TNMD: variants seen among roughly 807,000 people sequenced by gnomAD.
TNMD encodes tenomodulin, also known as BRICHOS domain containing 4.
In TNMD, 15 loss-of-function variants were observed where a neutral mutation model predicts 26.9. The observed-to-expected ratio is 0.56, with a 90% CI of 0.37 to 0.86. The LOEUF (loss-of-function observed/expected upper bound fraction) is 0.86. Among genes scored for constraint, TNMD ranks in the 40% least tolerant of loss-of-function variants. TNMD has a pLI of 0.00. For synonymous variants in TNMD, 73 were observed against 77.0 expected (o/e 0.95, Z 0.27); for missense variants, 222 against 242.6 (o/e 0.92, Z 0.56).
rs750488369 is a variant in TNMD, at chrX:100,588,264, G to A, written c.180+2902G>A. 3.8e-3 allele frequency among the ~76,000 whole-genome samples: 425 copies of A among 110,726 alleles called. 3 individuals carry two copies. The highest frequency in any genetic ancestry group is 0.012 in the African/African-American group (374 of 30,316). ...CTCCCCTCACATACCTCAGGTCTGCGTGCACACAGGTGTGCACACGCACAG... is the reference window on the plus strand; with the variant it reads ...CTCCCCTCACATACCTCAGGTCTGCATGCACACAGGTGTGCACACGCACAG... On this transcript the variant is annotated intron_variant, in intron 2 of 6. Transcript: ENST00000373031.
At chrX:100,590,786 G>A (rs907689595) in intron 2 of TNMD, among the ~76,000 whole-genome samples, 5 of 111,738 alleles carry the variant, frequency 4.5e-5, no homozygotes, top group Non-Finnish European at 9.4e-5. Context: ...CTGGAAAGAT[G>A]CCCTTGCCCC....
chrX:100,596,680 C>A (rs747464721), intron 4 of TNMD, among the ~76,000 whole-genome samples: 41 of 111,804 alleles, frequency 3.7e-4, no homozygotes, highest in Admixed American at 1.4e-3. Context: ...TATACAATTC[C>A]TTTCAATGCA....
chrX:100,585,426 G>A (rs995418701), intron 2 of TNMD, 64 bp downstream of exon 2: 2 of 1,008,667 alleles, frequency 2.0e-6, no homozygotes, highest in South Asian at 6.1e-5. Flanking sequence ...TAATTAGTAG[G>A]CATATAAATT....
rs201605708 is a variant in TNMD at position 100,595,267 on chromosome X, T to TTTCTTC, written c.423+923_423+928dup. Among the ~76,000 whole-genome samples, 5 of 109,742 alleles carry TTTCTTC rather than the reference T, an allele frequency of 4.6e-5. No individual in the cohort carries two copies. In the East Asian group the frequency reaches 8.7e-4, roughly 19 times the overall value. On this transcript the variant is annotated intron_variant, in intron 4 of 6. Transcript: ENST00000373031. Reference sequence around the variant, plus strand: ...GAATTATGGCAATGGCAGAATGATCTTTCTTCTTCTTCTTCTTCTTCTTTG... The same window carrying TTTCTTC: ...GAATTATGGCAATGGCAGAATGATCTTTCTTCTTCTTCTTCTTCTTCTTCTTCTTTG...
At chrX:100,598,242 C>T (rs781744596) in intron 5 of TNMD, among the ~76,000 whole-genome samples, 69 of 111,499 alleles carry the variant, frequency 6.2e-4, no homozygotes, top group African/African-American at 2.2e-3. Context: ...GTTTAGCTAA[C>T]ATGGAATTTG....
chrX:100,593,805 G>A (rs2082944843), intron 2 of TNMD, 90 bp from the exon 3 acceptor site: 1 of 981,724 alleles, frequency 1.0e-6, no homozygotes, highest in Non-Finnish European at 1.4e-6. Flanking sequence ...CAGCTCTGAA[G>A]GGATCCCCAT....
Position 100,597,577 on chromosome X carries a change from G to A in TNMD, c.497G>A (p.Arg166Gln), listed in dbSNP as rs766097519. ...CCAGCAGAAAAGCCTATTGAAAACC[G>A]AGATTTTCTTAAAAATTCCAAAATT... Reference protein sequence around the residue: ...WVPAEKPIENRDFLKNSKILE... With the variant: ...WVPAEKPIENQDFLKNSKILE... Residue 166 changes from arginine (R) to glutamine (Q), a missense_variant, in exon 5 of 7, where the codon CGA becomes CAA. Transcript: ENST00000373031. The A allele has an allele frequency of 1.2e-5, 14 of 1,209,355 alleles. No homozygotes were observed. The highest frequency in any genetic ancestry group is 1.7e-5 in the African/African-American group (1 of 57,183).
chrX:100,598,490 A>T (rs1485827992), intron 5 of TNMD, among the ~76,000 whole-genome samples: 1 of 112,141 alleles, frequency 8.9e-6, no homozygotes, highest in Non-Finnish European at 1.9e-5. Flanking sequence ...ATTTTTGATC[A>T]TTGTACCATG....
At chrX:100,587,255 A>G (rs918684559) in intron 2 of TNMD, among the ~76,000 whole-genome samples, 8 of 112,377 alleles carry the variant, frequency 7.1e-5, no homozygotes, top group Non-Finnish European at 1.3e-4. Context: ...TCCCTATTAT[A>G]TCATCTTTAC....
intron 2 of TNMD, among the ~76,000 whole-genome samples, chrX:100,585,680 ATCTT>A (rs1463168158): frequency 8.9e-6 from 1 of 112,265 alleles, no homozygotes; most frequent in Non-Finnish European, 1.9e-5. Context: ...AATACTTTTA[ATCTT>A]TCTTTCAATT....
chrX:100,599,779 A>G lies in TNMD; in HGVS notation c.*62A>G, dbSNP rs746690118. 1.2e-4 allele frequency: 131 copies of G among 1,072,579 alleles called. No homozygotes were observed. The African/African-American group carries it at 2.0e-3, about 17-fold the overall frequency. The allele number at this position is 1,072,579 out of a possible 1,213,427, so 88.4% of individuals were successfully genotyped here. A position where few individuals can be genotyped will look rare whatever the true frequency, so the allele number is the denominator to read the frequency against. ...ACATATAATAAATGCATGCTATTCA[A>G]TGAATTTCTGCCTATGAGGCATCTG... On this transcript the variant is annotated 3_prime_UTR_variant, in exon 7 of 7. Coordinates refer to ENST00000373031, the MANE Select transcript of TNMD (RefSeq NM_022144.3).
chrX:100,587,213 A>G (rs1160478266), intron 2 of TNMD, among the ~76,000 whole-genome samples: 1 of 112,275 alleles, frequency 8.9e-6, no homozygotes, highest in African/African-American at 3.2e-5. Flanking sequence ...CAAAGTGTCA[A>G]ACTCACTTGC....
chrX:100,599,134 C>G lies in TNMD; in HGVS notation c.696C>G (p.Thr232=), dbSNP rs746520955. ...TCCCTCAAGTGAAAGTAGAGAAGACCCGTCACGCCAGACAAGCAAGTGAGG... is the reference window on the plus strand; with the variant it reads ...TCCCTCAAGTGAAAGTAGAGAAGACGCGTCACGCCAGACAAGCAAGTGAGG... ...WVVPQVKVEK[T]RHARQASEEE... The change falls in exon 6 of 7, where the codon ACC becomes ACG. Residue 232 remains threonine, a synonymous_variant. Transcript: ENST00000373031. The G allele has an allele frequency of 8.3e-7, 1 of 1,201,800 alleles. No individual in the cohort carries two copies. Among genetic ancestry groups the G allele is most frequent in the Non-Finnish European group, 1.1e-6 (1 of 890,754 alleles).
intron 6 of TNMD, 130 bp downstream of exon 6, chrX:100,599,312 G>A: frequency 7.2e-6 from 5 of 690,336 alleles, no homozygotes; most frequent in Non-Finnish European, 8.4e-6. Flanking sequence ...AAATGTTTAA[G>A]AAACTTGGAA....
intron 5 of TNMD, among the ~76,000 whole-genome samples, chrX:100,598,528 C>T (rs2082959265): frequency 3.6e-5 from 4 of 111,382 alleles, no homozygotes; most frequent in South Asian, 3.8e-4. Context: ...TAGGGGAAAC[C>T]GGGTGAAGAA....
chrX:100,598,605 T>TA (rs200647741), intron 5 of TNMD, among the ~76,000 whole-genome samples: 1,277 of 111,739 alleles, frequency 0.011, 22 homozygotes, highest in African/African-American at 0.04. Flanking sequence ...ACAGAAAGTT[T>TA]AAAAAAAATT....
At chrX:100,585,673 A>G (rs2082920195) in intron 2 of TNMD, among the ~76,000 whole-genome samples, 1 of 112,322 alleles carries the variant, frequency 8.9e-6, no homozygotes, top group African/African-American at 3.2e-5. Flanking sequence ...AAGAAAAAAT[A>G]CTTTTAATCT....
intron 2 of TNMD, among the ~76,000 whole-genome samples, chrX:100,587,437 C>G (rs757310854): frequency 8.9e-6 from 1 of 112,287 alleles, no homozygotes; most frequent in South Asian, 3.7e-4. Context: ...TCATTTTCAG[C>G]AAAGGGACTC....
intron 2 of TNMD, among the ~76,000 whole-genome samples, chrX:100,591,536 G>C (rs1183703779): frequency 9.0e-6 from 1 of 111,564 alleles, no homozygotes; most frequent in Non-Finnish European, 1.9e-5. Flanking sequence ...GTCTGGATTT[G>C]CTCATACCCA....
Sources: allele counts gnomAD v4.1 joint callset (sites outside exome capture counted in the v4.1 genomes callset), GRCh38; gene constraint gnomAD v4.1.1; transcripts MANE v1.5; gene names NCBI Gene and HGNC (gene_info 2026-07-23, HGNC 2026-07-21).